The following TRAF3 variants were observed in gnomAD, a reference collection of about 807,000 sequenced individuals.
TRAF3 encodes the protein TNF receptor associated factor 3, also known as TNF receptor-associated factor 3.
TRAF3 carries 13 observed loss-of-function variants against 62.3 expected under a neutral mutation model. The observed-to-expected ratio is 0.21, with a 90% CI of 0.14 to 0.33. The LOEUF (loss-of-function observed/expected upper bound fraction) is 0.33. Ranked by LOEUF, TRAF3 falls within the 10% of genes least tolerant of loss-of-function variation. The pLI, the probability that TRAF3 is intolerant of heterozygous loss-of-function variation, is 1.00. For missense variants in TRAF3, 440 were observed against 741.8 expected (o/e 0.59, Z 4.73); for synonymous variants, 269 against 283.4 (o/e 0.95, Z 0.51).
chr14:102,783,361 G>A (rs1010015224), intron 1 of TRAF3, among the ~76,000 whole-genome samples: 8 of 152,156 alleles, frequency 5.3e-5, no homozygotes, highest in African/African-American at 1.9e-4. Context: ...TAATTTTCTT[G>A]GATGCTTTTA....
At chr14:102,837,503 A>T (rs1326153818) in intron 2 of TRAF3, among the ~76,000 whole-genome samples, 1 of 152,142 alleles carries the variant, frequency 6.6e-6, no homozygotes, top group Non-Finnish European at 1.5e-5. Flanking sequence ...GAGATCTTAA[A>T]ATCTATTTTG....
At position 102,891,198 on chromosome 14, in the gene TRAF3, TG is replaced by T. The variant is rs1889691891; in HGVS notation, c.727-126del. The T allele has an allele frequency of 6.7e-6, 6 of 894,658 alleles. No individual in the cohort carries two copies. The Admixed American group carries it at 1.2e-4, about 18-fold the overall frequency. 55.4% of individuals were successfully genotyped at this position (894,658 alleles called of 1,614,324 possible). A position where few individuals can be genotyped will look rare whatever the true frequency, so the allele number is the denominator to read the frequency against. On this transcript the variant is annotated intron_variant, in intron 8 of 11. Coordinates refer to ENST00000392745, the MANE Select transcript of TRAF3 (RefSeq NM_145725.3). The stretch of plus-strand genomic sequence containing the variant: ...GCCCTCCTTAGGCGCAGAGATTCCC[TG>T]TTCACTTGACGCAAATAGGTCTCCC...
chr14:102,884,412 G>A (rs1889243527), intron 6 of TRAF3, among the ~76,000 whole-genome samples: 1 of 152,108 alleles, frequency 6.6e-6, no homozygotes, highest in African/African-American at 2.4e-5. Flanking sequence ...GAATTTTGGA[G>A]GACATTATTG....
intron 1 of TRAF3, among the ~76,000 whole-genome samples, chr14:102,811,558 T>G (rs1439268148): frequency 3.1e-4 from 46 of 149,248 alleles, no homozygotes; most frequent in African/African-American, 1.1e-3. Flanking sequence ...CGGTTTTTTT[T>G]TTTTTTTTTT....
At chr14:102,789,728 G>A (rs796400985) in intron 1 of TRAF3, among the ~76,000 whole-genome samples, 1 of 152,126 alleles carries the variant, frequency 6.6e-6, no homozygotes, top group African/African-American at 2.4e-5. Context: ...GATATTGAAT[G>A]TCTTTTCATG....
At chr14:102,827,112 C>T (rs1011021891) in intron 1 of TRAF3, among the ~76,000 whole-genome samples, 1 of 152,212 alleles carries the variant, frequency 6.6e-6, no homozygotes, top group Non-Finnish European at 1.5e-5. Context: ...TCCCCCTGGC[C>T]CTCCCTGTAG....
intron 1 of TRAF3, among the ~76,000 whole-genome samples, chr14:102,797,079 AAGGGCC>A (rs1257405634): frequency 6.6e-6 from 1 of 152,230 alleles, no homozygotes; most frequent in African/African-American, 2.4e-5. Flanking sequence ...GCGGGAGGGC[AAGGGCC>A]AGGGGGCAGC....
At chr14:102,779,205 A>G (rs923744886) in intron 1 of TRAF3, among the ~76,000 whole-genome samples, 5 of 149,372 alleles carry the variant, frequency 3.3e-5, no homozygotes, top group African/African-American at 1.2e-4. Context: ...CCCAGACGCC[A>G]TCTGTTCCAG....
intron 1 of TRAF3, among the ~76,000 whole-genome samples, chr14:102,805,327 G>C (rs1417376848): frequency 6.6e-6 from 1 of 152,176 alleles, no homozygotes; most frequent in East Asian, 1.9e-4. Context: ...ACTGATGTGG[G>C]AATCTGATAC....
intron 10 of TRAF3, 36 bp downstream of exon 10, chr14:102,897,437 G>A: frequency 6.2e-7 from 1 of 1,610,858 alleles, no homozygotes; most frequent in South Asian, 1.1e-5. Flanking sequence ...ATCAAAGGGT[G>A]GAGGAGCTTG....
At chr14:102,781,640 T>G (rs1897276354) in intron 1 of TRAF3, among the ~76,000 whole-genome samples, 1 of 152,124 alleles carries the variant, frequency 6.6e-6, no homozygotes, top group African/African-American at 2.4e-5. Context: ...TATTTTATTT[T>G]ATTTGAAACA....
chr14:102,838,807 A>G (rs571626457), intron 2 of TRAF3, among the ~76,000 whole-genome samples: 29 of 152,254 alleles, frequency 1.9e-4, no homozygotes, highest in East Asian at 3.9e-4. Flanking sequence ...TGGAGGGGGT[A>G]TGTTGTGAAT....
rs1889341294 is a variant in TRAF3, at chr14:102,885,731, A to G, written c.571-458A>G. ...TGGGAAGCATCATTTCCAGACTCCA[A>G]ACTAAGAGGCCAAGGGAAACCCTCC... is the stretch of plus-strand genomic sequence containing the variant. On this transcript the variant is annotated intron_variant, in intron 6 of 11. Coordinates refer to ENST00000392745, the MANE Select transcript of TRAF3 (RefSeq NM_145725.3). 2.0e-5 allele frequency among the ~76,000 whole-genome samples: 3 copies of G among 152,312 alleles called. No individual in the cohort carries two copies. The South Asian group carries it at 6.2e-4, about 32-fold the overall frequency.
At chr14:102,873,104 A>C (rs1489928467) in intron 4 of TRAF3, among the ~76,000 whole-genome samples, 2 of 152,094 alleles carry the variant, frequency 1.3e-5, no homozygotes, top group African/African-American at 4.8e-5. Context: ...TAAAATTCTT[A>C]CTCTGGGGTT....
intron 1 of TRAF3, among the ~76,000 whole-genome samples, chr14:102,811,520 G>A (rs1181084526): frequency 6.8e-6 from 1 of 147,810 alleles, no homozygotes; most frequent in Admixed American, 6.7e-5. Flanking sequence ...CACCTACAAG[G>A]AGCTCAAGGA....
At chr14:102,871,827 C>T (rs1431442312) in intron 3 of TRAF3, 90 bp from the exon 4 acceptor site, 5 of 1,259,638 alleles carry the variant, frequency 4.0e-6, no homozygotes, top group Non-Finnish European at 5.8e-6. Context: ...CTGTGCAGAC[C>T]TGACCATAAA....
chr14:102,811,609 CTT>C (rs932718558), intron 1 of TRAF3, among the ~76,000 whole-genome samples: 3 of 124,586 alleles, frequency 2.4e-5, no homozygotes, highest in Non-Finnish European at 3.2e-5. Flanking sequence ...GGTCAGATCT[CTT>C]GTCTCATAGT....
intron 1 of TRAF3, among the ~76,000 whole-genome samples, chr14:102,794,463 G>C (rs1057459287): frequency 6.6e-6 from 1 of 152,196 alleles, no homozygotes; most frequent in African/African-American, 2.4e-5. Context: ...GATTACAGGC[G>C]TGAGCTACTG....
intron 1 of TRAF3, among the ~76,000 whole-genome samples, chr14:102,795,587 G>C (rs1404960793): frequency 1.5e-4 from 2 of 13,118 alleles, no homozygotes; most frequent in African/African-American, 2.6e-4. Flanking sequence ...ATGTATGCAT[G>C]ATATGTATAT....
Sources: allele counts gnomAD v4.1 joint callset (sites outside exome capture counted in the v4.1 genomes callset), GRCh38; gene constraint gnomAD v4.1.1; transcripts MANE v1.5; gene names NCBI Gene and HGNC (gene_info 2026-07-23, HGNC 2026-07-21).